FLNA: variants seen among roughly 807,000 people sequenced by gnomAD.
FLNA encodes filamin A.
In FLNA, 7 loss-of-function variants were observed where a neutral mutation model predicts 157.6. The ratio of observed to expected loss-of-function variants is 0.04; its 90% confidence interval spans 0.03 to 0.08. The LOEUF (loss-of-function observed/expected upper bound fraction) is 0.08. Among genes scored for constraint, FLNA ranks in the 10% least tolerant of loss-of-function variants. FLNA has a pLI of 1.00. For synonymous variants in FLNA, 1,103 were observed against 1,060.8 expected (o/e 1.04, Z -0.77); for missense variants, 1,750 against 2,398.4 (o/e 0.73, Z 5.65).
intron 30 of FLNA, 103 bp downstream of exon 30, chrX:154,357,148 T>G: frequency 1.2e-6 from 1 of 834,552 alleles, no homozygotes; most frequent in Non-Finnish European, 1.7e-6. Context: ...TGTCCCTGCC[T>G]AGAGCTGCAG....
intron 21 of FLNA, 56 bp from the exon 22 acceptor site, chrX:154,360,643 C>T (rs1449198565): frequency 1.9e-6 from 2 of 1,055,160 alleles, no homozygotes; most frequent in African/African-American, 1.8e-5. Context: ...TCCCAGACCT[C>T]CTGCTTGACT....
Position 154,360,243 on chromosome X carries a change from G to A in FLNA, c.3552C>T (p.Asp1184=). The change falls in exon 22 of 48, where the codon GAC becomes GAT. Residue 1184 remains aspartate, a synonymous_variant. Coordinates refer to ENST00000369850, the MANE Select transcript of FLNA (RefSeq NM_001110556.2). The part of the protein sequence containing the change: ...TAGEVGQFQV[D]CSSAGSAELT... ...GCTCCGCGCTGCCCGCGCTCGAGCA[G>A]TCCACTTGGAATTGGCCCACCTCCC... is the stretch of plus-strand genomic sequence containing the variant. 1.7e-6 allele frequency: 2 copies of A among 1,211,874 alleles called. No homozygotes were observed. Among genetic ancestry groups the A allele is most frequent in the Non-Finnish European group, 1.1e-6 (1 of 895,686 alleles).
chrX:154,354,750 TCA>T (rs782187382), intron 31 of FLNA, 39 bp from the exon 32 acceptor site: 1 of 1,207,888 alleles, frequency 8.3e-7, no homozygotes. Flanking sequence ...GAGTCTGTTG[TCA>T]CAGAGGGGCC....
Position 154,354,272 on chromosome X carries a change from T to A in FLNA, c.5436A>T (p.Ser1812=). 1 of 1,211,921 alleles carries A rather than the reference T, an allele frequency of 8.3e-7. No homozygotes were observed. Among genetic ancestry groups the A allele is most frequent in the Non-Finnish European group, 1.1e-6 (1 of 895,671 alleles). The change falls in exon 34 of 48, where the codon TCA becomes TCT. Residue 1812 remains serine, a synonymous_variant. Transcript: ENST00000369850. ...GEITGEVRMP[S]GKVAQPTITD... ...TGATGGTGGGCTGCGCCACCTTGCC[T>A]GAGGGCATCCGAACCTCCCCTGTGG... is the stretch of plus-strand genomic sequence containing the variant.
rs782597696 is a variant in FLNA at position 154,358,499 on chromosome X, C to T, written c.4544G>A (p.Arg1515Gln). 1.7e-5 allele frequency: 20 copies of T among 1,208,686 alleles called. No homozygotes were observed. Among genetic ancestry groups the T allele is most frequent in the Admixed American group, 2.2e-5 (1 of 45,830 alleles). ...TACTGAGATGCTGTAGGGCCCTTCT[C>T]GGCTGGGCACATAATTGACGGTCTG... ...GTQTVNYVPS[R>Q]EGPYSISVLY... The change falls in exon 27 of 48, where the codon CGA (arginine) becomes CAA (glutamine). Residue 1515 changes from arginine (R) to glutamine (Q), a missense_variant. Around this residue, in one of 5 missense-constraint regions of FLNA, gnomAD observed 970 missense variants for 1,302.6 expected, o/e 0.74. Transcript: ENST00000369850.
In FLNA at chrX:154,353,940, G is replaced by A. The variant is rs782253233; in HGVS notation, c.5661C>T (p.Thr1887=). ...HGVVNKPATF[T]VNTKDAGEGG... ...CCTCTCCTGCATCCTTGGTGTTGAC[G>A]GTGAAGGTGGCAGGCTTGTTCACTA... Residue 1887 remains threonine, a synonymous_variant, in exon 35 of 48, where the codon ACC becomes ACT. Transcript: ENST00000369850. 45 of 1,210,856 alleles carry A rather than the reference G, an allele frequency of 3.7e-5. 1 individual carries two copies. In the Admixed American group the frequency reaches 8.7e-4, roughly 23 times the overall value.
intron 41 of FLNA, 27 bp downstream of exon 41, chrX:154,352,154 G>A (rs1415944572): frequency 4.1e-6 from 5 of 1,209,613 alleles, no homozygotes; most frequent in South Asian, 1.8e-5. Flanking sequence ...GCAGGAGAGC[G>A]AGCACTCGGG....
rs782747792 is a variant in FLNA at position 154,362,484 on chromosome X, G to A, written c.2499C>T (p.Thr833=). 2.1e-5 allele frequency: 26 copies of A among 1,210,566 alleles called. No homozygotes were observed. ...DFDIIRNDND[T]FTVKYTPRGA... ...CCCGGGGCGTGTACTTGACCGTGAAGGTGTCATTGTCATTGCGGATGATGT... is the reference window on the plus strand; with the variant it reads ...CCCGGGGCGTGTACTTGACCGTGAAAGTGTCATTGTCATTGCGGATGATGT... Residue 833 remains threonine (T), a synonymous_variant, in exon 17 of 48, where the codon ACC becomes ACT. Transcript: ENST00000369850.
intron 43 of FLNA, 79 bp downstream of exon 43, chrX:154,351,502 C>T (rs1472493618): frequency 2.6e-5 from 18 of 692,786 alleles, no homozygotes; most frequent in Non-Finnish European, 4.1e-5. Flanking sequence ...GAACACAGGG[C>T]CAAGGCCTGG....
At chrX:154,371,808 C>A (rs2148122819) in intron 1 of FLNA, among the ~76,000 whole-genome samples, 1 of 113,442 alleles carries the variant, frequency 8.8e-6, no homozygotes, top group East Asian at 2.8e-4. Context: ...CTTCCCCGGG[C>A]CCCCAGGGCC....
At chrX:154,351,170 G>A in intron 43 of FLNA, 129 bp from the exon 44 acceptor site, 2 of 728,742 alleles carry the variant, frequency 2.7e-6, no homozygotes, top group Admixed American at 2.5e-5. Flanking sequence ...TTTAAAGAGG[G>A]AGAGCCACTG....
Position 154,366,418 on chromosome X carries a change from T to C in FLNA, c.1118A>G (p.Tyr373Cys), listed in dbSNP as rs1557179275. 1 of 1,211,713 alleles carries C rather than the reference T, an allele frequency of 8.3e-7. No homozygotes were observed. The highest frequency in any genetic ancestry group is 1.1e-6 in the Non-Finnish European group (1 of 895,357). Reference protein sequence around the residue: ...QHIAKSPFEVYVDKSQGDASK... With the variant: ...QHIAKSPFEVCVDKSQGDASK... ...GGCGTCACCCTGTGACTTATCCACG[T>C]ACACCTCGAAGGGGCTCTTGGCGAT... The change falls in exon 8 of 48, where the codon TAC becomes TGC. Residue 373 changes from tyrosine (Y) to cysteine (C), a missense_variant. Around this residue, in one of 5 missense-constraint regions of FLNA, gnomAD observed 648 missense variants for 805.8 expected, o/e 0.80. Transcript: ENST00000369850.
In FLNA at chrX:154,366,739, T is replaced by C; in HGVS notation, c.980A>G (p.Gln327Arg). The C allele has an allele frequency of 8.3e-7, 1 of 1,209,054 alleles. No individual in the cohort carries two copies. The highest frequency in any genetic ancestry group is 1.7e-5 in the African/African-American group (1 of 57,863). ...GCCAGCAGCTGGCCCTACCTCCTCC[T>C]GGTGTCCGGCCGGGTCCTCCACGTA... is the stretch of plus-strand genomic sequence containing the variant. ...LVYVEDPAGHQEEAKVTANND... is the reference protein window; with the variant it reads ...LVYVEDPAGHREEAKVTANND... Residue 327 changes from glutamine (Q) to arginine (R), a missense_variant, in exon 6 of 48, where the codon CAG becomes CGG. By Grantham distance (43) the Gln-to-Arg change is conservative. Coordinates refer to ENST00000369850, the MANE Select transcript of FLNA (RefSeq NM_001110556.2).
chrX:154,357,672 C>CGGGCCT, intron 28 of FLNA, 49 bp from the exon 29 acceptor site: 3 of 1,121,625 alleles, frequency 2.7e-6, no homozygotes, highest in Non-Finnish European at 2.4e-6. Flanking sequence ...CGAGTAGCCC[C>CGGGCCT]GGGCCTGCCT....
intron 44 of FLNA, chrX:154,350,638 TG>T (rs2067611755): frequency 2.5e-6 from 1 of 396,314 alleles, no homozygotes; most frequent in African/African-American, 2.5e-5. Context: ...TGGCCGTGGC[TG>T]AAGGGCCGGG....
intron 10 of FLNA, 43 bp from the exon 11 acceptor site, chrX:154,365,302 C>A (rs781918806): frequency 8.3e-7 from 1 of 1,211,848 alleles, no homozygotes; most frequent in Non-Finnish European, 1.1e-6. Context: ...AGCAGTGAAC[C>A]CGGGGGCTGC....
chrX:154,352,761 G>C lies in FLNA; in HGVS notation c.6379+11C>G. The stretch of plus-strand genomic sequence containing the variant: ...TAGTGAGGGGGGCTGCCGAGGCACT[G>C]CTGCACTCACCAGGCACGTGCTGGT... On this transcript the variant is annotated intron_variant, in intron 39 of 47. Transcript: ENST00000369850. The C allele has an allele frequency of 8.3e-7, 1 of 1,211,853 alleles. No individual in the cohort carries two copies.
chrX:154,369,332 G>A (rs1307947686), intron 2 of FLNA, among the ~76,000 whole-genome samples: 1 of 112,374 alleles, frequency 8.9e-6, no homozygotes, highest in Non-Finnish European at 1.9e-5. Context: ...TTCCCATCAG[G>A]CCCCCACCCC....
At position 154,365,169 on chromosome X, in the gene FLNA, G is replaced by C; in HGVS notation, c.1658C>G (p.Thr553Ser). The change falls in exon 11 of 48, where the codon ACC becomes AGC. Residue 553 changes from threonine to serine, a missense_variant. Thr to Ser is a moderately conservative substitution (Grantham distance 58). Around this residue, in one of 5 missense-constraint regions of FLNA, gnomAD observed 648 missense variants for 805.8 expected, o/e 0.80. Transcript: ENST00000369850. ...GATGTTCTGACCACCCCACGTGATG[G>C]TGACGATATAGGTTCCAGGGACCAT... Reference protein sequence around the residue: ...YPMVPGTYIVTITWGGQNIGR... With the variant: ...YPMVPGTYIVSITWGGQNIGR... 1 of 1,211,694 alleles carries C rather than the reference G, an allele frequency of 8.3e-7. No individual in the cohort carries two copies. Among genetic ancestry groups the C allele is most frequent in the Non-Finnish European group, 1.1e-6 (1 of 895,349 alleles).
Sources: allele counts gnomAD v4.1 joint callset (sites outside exome capture counted in the v4.1 genomes callset), GRCh38; gene constraint gnomAD v4.1.1; regional missense constraint gnomAD v4.1.1; transcripts MANE v1.5; gene names NCBI Gene and HGNC (gene_info 2026-07-23, HGNC 2026-07-21).